Variants in SLC22A2 observed in about 807,000 individuals in gnomAD.
The protein encoded by SLC22A2 is solute carrier family 22 member 2.
Under a neutral mutation model 60.5 loss-of-function variants are expected in SLC22A2, and 46 were observed. The ratio of observed to expected loss-of-function variants is 0.76; its 90% CI spans 0.60 to 0.97. The LOEUF is 0.97. Ranked by LOEUF, SLC22A2 falls within the 50% of genes least tolerant of loss-of-function variation. The probability of loss-of-function intolerance (pLI) is 0.00; values close to 1 mark genes in which losing one functional copy is unlikely to be tolerated. For synonymous variants in SLC22A2, 303 were observed against 267.0 expected, an observed-to-expected ratio of 1.13 and a Z score of -1.31; for missense variants, 701 against 706.6, an observed-to-expected ratio of 0.99 and a Z score of 0.09.
intron 10 of SLC22A2, among the ~76,000 whole-genome samples, chr6:160,219,146 G>GCAACAATAACAAAAGCAACGATAGCAA (rs1782601660): frequency 9.7e-6 from 1 of 102,622 alleles, no homozygotes; most frequent in African/African-American, 3.5e-5. Context: ...ACGAACACCA[G>GCAACAATAACAAAAGCAACGATAGCAA]CAGTAACAAC....
chr6:160,239,041 A>G (rs1399330482), intron 9 of SLC22A2, among the ~76,000 whole-genome samples: 6 of 152,172 alleles, frequency 3.9e-5, no homozygotes, highest in African/African-American at 1.4e-4. Flanking sequence ...CCTTGGTGAT[A>G]AAACAGGAAG....
chr6:160,244,613 A>T (rs921181088), intron 6 of SLC22A2: 3 of 152,250 alleles, frequency 2.0e-5, no homozygotes, highest in Admixed American at 6.5e-5. Context: ...TAGTCATTAC[A>T]TGTAATGGAA....
At chr6:160,223,770 C>A (rs2114850071) in intron 10 of SLC22A2, among the ~76,000 whole-genome samples, 1 of 152,226 alleles carries the variant, frequency 6.6e-6, no homozygotes, top group Non-Finnish European at 1.5e-5. Flanking sequence ...CTTTGTCGCC[C>A]AGGCTGGAGT....
At chr6:160,237,740 T>C (rs1394036062) in intron 9 of SLC22A2, among the ~76,000 whole-genome samples, 1 of 152,198 alleles carries the variant, frequency 6.6e-6, no homozygotes, top group Non-Finnish European at 1.5e-5. Flanking sequence ...CTTACAGGGC[T>C]GCATTCCCAG....
At chr6:160,244,671 A>G (rs1340523984) in intron 6 of SLC22A2, 2 of 152,244 alleles carry the variant, frequency 1.3e-5, no homozygotes, top group African/African-American at 2.4e-5. Flanking sequence ...AAAAGGAAAG[A>G]AGGATAATGA....
intron 9 of SLC22A2, among the ~76,000 whole-genome samples, chr6:160,229,609 C>A (rs1782786002): frequency 6.6e-6 from 1 of 151,560 alleles, no homozygotes; most frequent in Admixed American, 6.6e-5. Flanking sequence ...GGGGGGCAAG[C>A]ACCTCCCACC....
intron 2 of SLC22A2, among the ~76,000 whole-genome samples, chr6:160,252,814 T>C (rs1181295867): frequency 6.6e-6 from 1 of 152,266 alleles, no homozygotes; most frequent in Non-Finnish European, 1.5e-5. Flanking sequence ...AGTGCTTTAA[T>C]TTCACAGAGC....
Position 160,254,030 on chromosome 6 carries a change from C to A in SLC22A2, c.518+2584G>T, listed in dbSNP as rs146562113. Among the ~76,000 whole-genome samples, 27 of 152,298 alleles carry A rather than the reference C, an allele frequency of 1.8e-4. 1 individual carries two copies. In the East Asian group the frequency reaches 4.6e-3, roughly 26 times the overall value. On this transcript the variant is annotated intron_variant, in intron 2 of 10. Transcript: ENST00000366953. ...CAGTGGCTCATGCCTATAATCCCAG[C>A]ACTTTGGGAGGTCAAGGAGGGCAGA...
At chr6:160,230,118 TC>T (rs1267588467) in intron 9 of SLC22A2, among the ~76,000 whole-genome samples, 2 of 151,748 alleles carry the variant, frequency 1.3e-5, no homozygotes, top group Non-Finnish European at 2.9e-5. Context: ...ATCTGACCTG[TC>T]CCCTCCTCAC....
chr6:160,232,588 T>C (rs1050017062), intron 9 of SLC22A2, among the ~76,000 whole-genome samples: 3 of 151,620 alleles, frequency 2.0e-5, no homozygotes, highest in Admixed American at 2.0e-4. Context: ...AAAAAACATT[T>C]CTCAAAGCTG....
intron 4 of SLC22A2, among the ~76,000 whole-genome samples, chr6:160,248,937 C>A (rs972751005): frequency 6.6e-6 from 1 of 152,186 alleles, no homozygotes; most frequent in Non-Finnish European, 1.5e-5. Context: ...TGTACCACAG[C>A]TCCTAGAAGC....
At position 160,231,564 on chromosome 6, in the gene SLC22A2, A is replaced by G. The variant is rs577326882; in HGVS notation, c.1502-6760T>C. Among the ~76,000 whole-genome samples, 10 of 151,992 alleles carry G rather than the reference A, an allele frequency of 6.6e-5. No homozygotes were observed. The East Asian group carries it at 1.5e-3, about 23-fold the overall frequency. ...TACAGCATGGGCTTCTAAAACCTATAAATTCTGCTTACAATACCCCCATCT... is the reference window on the plus strand; with the variant it reads ...TACAGCATGGGCTTCTAAAACCTATGAATTCTGCTTACAATACCCCCATCT... On this transcript the variant is annotated intron_variant, in intron 9 of 10. Transcript: ENST00000366953.
At chr6:160,231,320 T>C (rs942646615) in intron 9 of SLC22A2, among the ~76,000 whole-genome samples, 1 of 151,770 alleles carries the variant, frequency 6.6e-6, no homozygotes, top group Non-Finnish European at 1.5e-5. Flanking sequence ...CCACATCTCA[T>C]TGCCGTCCTT....
chr6:160,217,275 A>T lies in SLC22A2; in HGVS notation c.*157T>A, dbSNP rs1782555315. ...TCTGGTCCCATGGGTATTTTTCCAC[A>T]GTGTACAATAGACTCCACTGGCTGT... On this transcript the variant is annotated 3_prime_UTR_variant, in exon 11 of 11. Transcript: ENST00000366953. 1 of 419,626 alleles carries T rather than the reference A, an allele frequency of 2.4e-6. No homozygotes were observed. Among genetic ancestry groups the T allele is most frequent in the Non-Finnish European group, 4.2e-6 (1 of 236,290 alleles). The allele number at this position is 419,626 out of a possible 1,614,324, so 26.0% of individuals were successfully genotyped here.
At chr6:160,246,113 G>A (rs900870268) in intron 5 of SLC22A2, among the ~76,000 whole-genome samples, 6 of 151,914 alleles carry the variant, frequency 3.9e-5, no homozygotes, top group African/African-American at 1.2e-4. Flanking sequence ...TGATCTGCCC[G>A]CCTCGGCTTC....
chr6:160,224,673 G>T, intron 10 of SLC22A2, 32 bp downstream of exon 10: 1 of 1,446,512 alleles, frequency 6.9e-7, no homozygotes, highest in Non-Finnish European at 9.6e-7. Context: ...AACCTTTATA[G>T]AACAATTCAT....
In SLC22A2 at chr6:160,257,182, T is replaced by A. The variant is rs536757930; in HGVS notation, c.415-465A>T. Among the ~76,000 whole-genome samples the A allele has an allele frequency of 1.2e-4, 19 of 152,364 alleles. 1 individual carries two copies. The South Asian group carries it at 3.9e-3, about 32-fold the overall frequency. ...CTGGGTAATTACTTATAGACAAATT[T>A]ATTTTTTCCTTTCTAATTTCAATGC... On this transcript the variant is annotated intron_variant, in intron 1 of 10. Transcript: ENST00000366953.
intron 10 of SLC22A2, among the ~76,000 whole-genome samples, chr6:160,219,453 T>C (rs1186856305): frequency 6.8e-6 from 1 of 146,566 alleles, no homozygotes; most frequent in Non-Finnish European, 1.5e-5. Context: ...CGACGGGTGC[T>C]TCGTCGCACT....
chr6:160,218,940 T>TAGCAACAGAAATCAC (rs2114846605), intron 10 of SLC22A2, among the ~76,000 whole-genome samples: 15 of 820 alleles, frequency 0.018, no homozygotes, highest in Non-Finnish European at 0.02. Flanking sequence ...GAAGTAGCAG[T>TAGCAACAGAAATCAC]AGTAATAGCA....
Sources: allele counts gnomAD v4.1 joint callset (sites outside exome capture counted in the v4.1 genomes callset), GRCh38; gene constraint gnomAD v4.1.1; transcripts MANE v1.5; gene names NCBI Gene and HGNC (gene_info 2026-07-23, HGNC 2026-07-21).